The following PROCR variants were observed in gnomAD, a reference collection of about 807,000 sequenced individuals.
The protein encoded by PROCR is endothelial protein C receptor.
A neutral mutation model predicts 24.2 loss-of-function variants in PROCR; 22 were observed. The observed-to-expected ratio is 0.91, with a 90% CI of 0.65 to 1.30. The LOEUF is 1.30. Ranked by LOEUF, PROCR falls within the 50% of genes most tolerant of loss-of-function variation. PROCR has a pLI of 0.00. For missense variants in PROCR, 288 were observed against 307.7 expected (o/e 0.94, Z 0.48); for synonymous variants, 137 against 139.2 (o/e 0.98, Z 0.11).
At chr20:35,175,040 G>T in intron 2 of PROCR, 87 bp downstream of exon 2, 1 of 1,115,988 alleles carries the variant, frequency 9.0e-7, no homozygotes, top group Non-Finnish European at 1.2e-6. Flanking sequence ...GGCGGATGGA[G>T]GCGGGCTGGG....
At chr20:35,207,822 G>A (rs1600755447) in intron 1 of PROCR, among the ~76,000 whole-genome samples, 1 of 152,026 alleles carries the variant, frequency 6.6e-6, no homozygotes, top group African/African-American at 2.4e-5. Flanking sequence ...GAGCCACCAC[G>A]CCCGGTCAAG....
At chr20:35,207,064 TGCCAAGTGAAAGAA>T (rs2060345343) in intron 1 of PROCR, among the ~76,000 whole-genome samples, 1 of 152,194 alleles carries the variant, frequency 6.6e-6, no homozygotes, top group Admixed American at 6.5e-5. Flanking sequence ...AAATCCATTA[TGCCAAGTGAAAGAA>T]GCCAAATTCA....
intron 1 of PROCR, among the ~76,000 whole-genome samples, chr20:35,190,218 T>C (rs1165270229): frequency 6.6e-6 from 1 of 152,178 alleles, no homozygotes; most frequent in Non-Finnish European, 1.5e-5. Context: ...AGGGTTCTCA[T>C]GGGTAGCCTT....
intron 1 of PROCR, among the ~76,000 whole-genome samples, chr20:35,204,984 C>A (rs562390209): frequency 1.3e-5 from 2 of 151,892 alleles, no homozygotes; most frequent in Non-Finnish European, 2.9e-5. Flanking sequence ...GTGTAACATT[C>A]AAAAATAGCC....
At chr20:35,212,569 TGTC>T (rs2060366448) in intron 1 of PROCR, among the ~76,000 whole-genome samples, 2 of 152,204 alleles carry the variant, frequency 1.3e-5, no homozygotes, top group Non-Finnish European at 2.9e-5. Flanking sequence ...ATCAAGGTCT[TGTC>T]GTAACAGTAA....
At chr20:35,175,578 C>CCT (rs2086005872) in intron 2 of PROCR, among the ~76,000 whole-genome samples, 1 of 27,940 alleles carries the variant, frequency 3.6e-5, no homozygotes, top group African/African-American at 2.6e-4. Context: ...CCCCACCCCC[C>CCT]TTTTTTTTTT....
intron 1 of PROCR, among the ~76,000 whole-genome samples, chr20:35,192,314 G>A: frequency 6.6e-6 from 1 of 152,214 alleles, no homozygotes; most frequent in East Asian, 1.9e-4. Context: ...AACACGAAGG[G>A]CGGCTCGACA....
At chr20:35,189,211 C>A (rs1286428274) in intron 1 of PROCR, among the ~76,000 whole-genome samples, 1 of 151,584 alleles carries the variant, frequency 6.6e-6, no homozygotes, top group Non-Finnish European at 1.5e-5. Context: ...TAGCTGAATT[C>A]TTTCCCCAGT....
At chr20:35,211,840 A>T (rs2060363643) in intron 1 of PROCR, among the ~76,000 whole-genome samples, 1 of 151,998 alleles carries the variant, frequency 6.6e-6, no homozygotes, top group South Asian at 2.1e-4. Context: ...ATGGTGAAAC[A>T]CCATCTCTAC....
At chr20:35,195,656 A>G (rs1407078618) in intron 1 of PROCR, among the ~76,000 whole-genome samples, 3 of 151,872 alleles carry the variant, frequency 2.0e-5, no homozygotes, top group Non-Finnish European at 2.9e-5. Flanking sequence ...CCCCATCTCT[A>G]CTAAAAACAC....
chr20:35,185,460 C>G (rs1339022664), intron 1 of PROCR, among the ~76,000 whole-genome samples: 2 of 152,156 alleles, frequency 1.3e-5, no homozygotes, highest in Non-Finnish European at 2.9e-5. Context: ...GCACAATTCA[C>G]CATTGCAAAA....
At chr20:35,198,233 A>C (rs2060305940) in intron 1 of PROCR, among the ~76,000 whole-genome samples, 1 of 151,930 alleles carries the variant, frequency 6.6e-6, no homozygotes, top group African/African-American at 2.4e-5. Flanking sequence ...TGGAGCTTGC[A>C]GTGAGCTGAG....
Position 35,176,813 on chromosome 20 carries a change from A to G in PROCR, c.717A>G (p.Ter239=), listed in dbSNP as rs761596708. 3 of 1,613,692 alleles carry G rather than the reference A, an allele frequency of 1.9e-6. No individual in the cohort carries two copies. The highest frequency in any genetic ancestry group is 2.5e-6 in the Non-Finnish European group (3 of 1,179,890). The change falls in exon 4 of 4, where the codon TAA becomes TAG. Residue 239 remains the stop codon, a stop_retained_variant. Coordinates refer to ENST00000216968, the MANE Select transcript of PROCR (RefSeq NM_006404.5). ...IFLCTGGRRC[*] ...TGTGCACAGGTGGACGGCGATGTTA[A>G]TTACTCTCCAGCCCCCTCAGAAGGG...
At chr20:35,183,938 G>T (rs2146155088) in intron 1 of PROCR, among the ~76,000 whole-genome samples, 1 of 152,256 alleles carries the variant, frequency 6.6e-6, no homozygotes, top group African/African-American at 2.4e-5. Flanking sequence ...ATGGCTATAG[G>T]AGGATGGATA....
chr20:35,207,368 C>T (rs1225777225), intron 1 of PROCR, among the ~76,000 whole-genome samples: 2 of 146,316 alleles, frequency 1.4e-5, no homozygotes, highest in Non-Finnish European at 1.5e-5. Context: ...TATATGTATG[C>T]AAATCTATTA....
upstream of PROCR, chr20:35,172,015 C>T: frequency 1.3e-6 from 1 of 763,936 alleles, no homozygotes; most frequent in Non-Finnish European, 2.3e-6. Flanking sequence ...CTCCTCCCAT[C>T]TCCTGGCCTC....
intron 1 of PROCR, among the ~76,000 whole-genome samples, chr20:35,184,654 G>A (rs1393030443): frequency 1.3e-5 from 2 of 152,072 alleles, no homozygotes; most frequent in Non-Finnish European, 2.9e-5. Context: ...GAGCTGAGAT[G>A]ACGCCACTGC....
intron 1 of PROCR, among the ~76,000 whole-genome samples, chr20:35,198,452 C>G (rs987322506): frequency 6.6e-6 from 1 of 152,174 alleles, no homozygotes; most frequent in Admixed American, 6.5e-5. Context: ...ATCCCTAACT[C>G]TCTTTAATTT....
intron 1 of PROCR, among the ~76,000 whole-genome samples, chr20:35,197,371 A>T (rs1031589077): frequency 6.6e-6 from 1 of 152,144 alleles, no homozygotes. Flanking sequence ...AAGATGGCAA[A>T]CCTATAGTTG....
Sources: gnomAD v4.1 joint callset for allele counts (sites outside exome capture counted in the v4.1 genomes callset) on GRCh38, gnomAD v4.1.1 for gene constraint, MANE v1.5 for transcripts, NCBI Gene and HGNC (gene_info 2026-07-23, HGNC 2026-07-21) for gene names.